EXTL3: variants seen among roughly 807,000 people sequenced by gnomAD.
EXTL3 encodes exostosin-like 3.
Under a neutral mutation model 69.3 loss-of-function variants are expected in EXTL3, and 27 were observed. The ratio of observed to expected loss-of-function variants is 0.39; its 90% CI spans 0.29 to 0.54. The LOEUF (loss-of-function observed/expected upper bound fraction) is 0.54. EXTL3 is among the 20% of genes least tolerant of loss of function. EXTL3 has a pLI of 0.69. For synonymous variants in EXTL3, 511 were observed against 499.4 expected (o/e 1.02, Z -0.31); for missense variants, 1,003 against 1,231.8 (o/e 0.81, Z 2.78).
chr8:28,610,065 G>A (rs1439454441), intron 2 of EXTL3, among the ~76,000 whole-genome samples: 2 of 152,046 alleles, frequency 1.3e-5, no homozygotes, highest in Non-Finnish European at 2.9e-5. Flanking sequence ...TTAGCCAGGC[G>A]TGGTGGTGGT....
intron 1 of EXTL3, among the ~76,000 whole-genome samples, chr8:28,657,741 C>G (rs1044209513): frequency 6.6e-6 from 1 of 151,758 alleles, no homozygotes; most frequent in Non-Finnish European, 1.5e-5. Context: ...GGGGAAAAAA[C>G]CTACCCATTA....
intron 1 of EXTL3, among the ~76,000 whole-genome samples, chr8:28,647,788 C>T (rs1806857037): frequency 6.6e-6 from 1 of 151,908 alleles, no homozygotes; most frequent in Non-Finnish European, 1.5e-5. Context: ...AGGAAATGAT[C>T]GGAGAAGGCA....
Position 28,750,755 on chromosome 8 carries a change from C to T in EXTL3, c.2649C>T (p.Phe883=), listed in dbSNP as rs146639822. The T allele has an allele frequency of 1.5e-4, 246 of 1,614,210 alleles. 2 individuals are homozygous for T. The African/African-American group carries it at 2.7e-3, about 18-fold the overall frequency. ...AGCGGCACAAGTGCATCAACTTCTT[C>T]GTGAAGGTGTACGGCTACATGCCCC... ...FHERHKCINF[F]VKVYGYMPLL... The change falls in exon 7 of 7, where the codon TTC becomes TTT. Residue 883 remains phenylalanine (F), a synonymous_variant. Coordinates refer to ENST00000220562, the MANE Select transcript of EXTL3 (RefSeq NM_001440.4). This position sits in a 1 kb window ranked among gnomAD's most constrained non-coding sequence, Gnocchi z 5.2.
chr8:28,653,629 T>C (rs1236280271), intron 1 of EXTL3, among the ~76,000 whole-genome samples: 1 of 152,216 alleles, frequency 6.6e-6, no homozygotes, highest in East Asian at 1.9e-4. Context: ...ACTCTCTTTT[T>C]CCCATTGAGT....
intron 1 of EXTL3, among the ~76,000 whole-genome samples, chr8:28,694,528 G>GAGTT (rs1301185619): frequency 3.9e-5 from 6 of 152,216 alleles, no homozygotes; most frequent in Admixed American, 2.6e-4. Context: ...TCAGGCTCTG[G>GAGTT]AGTTAGACTG....
At chr8:28,620,153 G>A (rs999308704), upstream of EXTL3, among the ~76,000 whole-genome samples, 5 of 148,920 alleles carry the variant, frequency 3.4e-5, no homozygotes, top group Non-Finnish European at 4.5e-5. Context: ...GATTACAGGT[G>A]TGAGCCACCG....
chr8:28,632,554 CT>C (rs1172375819), intron 1 of EXTL3, among the ~76,000 whole-genome samples: 11,976 of 126,478 alleles, frequency 0.095, 758 homozygotes, highest in East Asian at 0.2. Flanking sequence ...CTCATTTATT[CT>C]TTTTTTTTTT....
intron 3 of EXTL3, among the ~76,000 whole-genome samples, chr8:28,727,002 C>G (rs1371680185): frequency 6.6e-6 from 1 of 151,234 alleles, no homozygotes; most frequent in Non-Finnish European, 1.5e-5. Flanking sequence ...CCTCAGCCTC[C>G]TGAGTAACTG....
intron 1 of EXTL3, among the ~76,000 whole-genome samples, chr8:28,651,787 ACT>A (rs2130604380): frequency 6.6e-6 from 1 of 152,248 alleles, no homozygotes; most frequent in African/African-American, 2.4e-5. Context: ...AAGCATCACT[ACT>A]CTGACAAAAC....
intron 1 of EXTL3, among the ~76,000 whole-genome samples, chr8:28,633,183 T>A (rs1195589741): frequency 6.6e-6 from 1 of 151,372 alleles, no homozygotes; most frequent in African/African-American, 2.4e-5. Context: ...TACAAAATTT[T>A]AAAAATTAGG....
At chr8:28,674,688 A>G (rs1807351371) in intron 1 of EXTL3, among the ~76,000 whole-genome samples, 1 of 152,188 alleles carries the variant, frequency 6.6e-6, no homozygotes, top group Admixed American at 6.5e-5. Flanking sequence ...AAAGAATGGG[A>G]TCTTGCAAGT....
chr8:28,745,805 C>T (rs1801876542), intron 6 of EXTL3, among the ~76,000 whole-genome samples: 1 of 152,170 alleles, frequency 6.6e-6, no homozygotes, highest in African/African-American at 2.4e-5. Context: ...TTAGTTAAGC[C>T]ATCTCTTCAG....
At position 28,682,545 on chromosome 8, in the gene EXTL3, C is replaced by T. The variant is rs144201514; in HGVS notation, c.-52-30912C>T. 7.5e-3 allele frequency among the ~76,000 whole-genome samples: 1,148 copies of T among 152,198 alleles called. 16 individuals are homozygous for T. The highest frequency in any genetic ancestry group is 0.025 in the African/African-American group (1,057 of 41,520). ...GCAACCACTGCTTCCCAGGATCAAG[C>T]GATTCTCCTGCCTCAGCCTCCCAAG... On this transcript the variant is annotated intron_variant, in intron 1 of 6. Coordinates refer to the EXTL3 transcript ENST00000523149.
rs116417507 is a variant in EXTL3, at chr8:28,616,821, A to G, written n.314+9063A>G. Among the ~76,000 whole-genome samples, 1,270 of 151,910 alleles carry G rather than the reference A, an allele frequency of 8.4e-3. 17 individuals carry two copies. The highest frequency in any genetic ancestry group is 0.029 in the African/African-American group (1,187 of 41,420). On this transcript the variant is annotated intron_variant and non_coding_transcript_variant, in intron 2 of 4. Coordinates refer to the EXTL3 transcript ENST00000522725. Reference sequence around the variant, plus strand: ...ACAGCTGGTGACACAGCACCTGGAGACTCCTCTTCATCTGCCTTGGAACGC... The same window carrying G: ...ACAGCTGGTGACACAGCACCTGGAGGCTCCTCTTCATCTGCCTTGGAACGC...
intron 1 of EXTL3, among the ~76,000 whole-genome samples, chr8:28,657,587 A>G (rs17059256): frequency 0.026 from 3,963 of 152,104 alleles, 127 homozygotes; most frequent in African/African-American, 0.078. Flanking sequence ...TCTGGACTAC[A>G]TGGTTTGGTA....
intron 1 of EXTL3, among the ~76,000 whole-genome samples, chr8:28,678,570 T>C (rs1465698886): frequency 2.6e-5 from 4 of 152,088 alleles, no homozygotes; most frequent in Non-Finnish European, 5.9e-5. Flanking sequence ...ACTTCCCCCA[T>C]GAGTGAAAGC....
chr8:28,663,873 G>T (rs1394018075), intron 1 of EXTL3, among the ~76,000 whole-genome samples: 1 of 152,220 alleles, frequency 6.6e-6, no homozygotes, highest in African/African-American at 2.4e-5. Flanking sequence ...CCTCTCTGGG[G>T]CAGGGCTGAG....
At chr8:28,650,598 C>G (rs940248129) in intron 1 of EXTL3, among the ~76,000 whole-genome samples, 8 of 152,108 alleles carry the variant, frequency 5.3e-5, no homozygotes, top group African/African-American at 1.9e-4. Context: ...ACCTTGTGAT[C>G]TGCTCACCTC....
intron 3 of EXTL3, among the ~76,000 whole-genome samples, chr8:28,728,838 G>A (rs1174405801): frequency 6.6e-6 from 1 of 152,032 alleles, no homozygotes; most frequent in East Asian, 1.9e-4. Flanking sequence ...GCTGCAGTGA[G>A]CTATGATAGC....
Sources: allele counts gnomAD v4.1 joint callset (sites outside exome capture counted in the v4.1 genomes callset), GRCh38; gene constraint gnomAD v4.1.1; non-coding constraint Gnocchi (gnomAD v3.1); transcripts MANE v1.5; gene names NCBI Gene and HGNC (gene_info 2026-07-23, HGNC 2026-07-21).